The following CES3 variants were observed in gnomAD, a reference collection of about 807,000 sequenced individuals.
CES3 encodes the protein carboxylesterase 3 (brain).
Under a neutral mutation model 57.6 loss-of-function variants are expected in CES3, and 49 were observed. The ratio of observed to expected loss-of-function variants is 0.85; its 90% CI spans 0.68 to 1.08. CES3 has a LOEUF of 1.08. Ranked by LOEUF, CES3 falls within the 50% of genes least tolerant of loss-of-function variation. The probability of loss-of-function intolerance (pLI) is 0.00; values close to 1 mark genes in which losing one functional copy is unlikely to be tolerated. For missense variants in CES3, 645 were observed against 742.0 expected, an observed-to-expected ratio of 0.87 and a Z score of 1.52; for synonymous variants, 266 against 281.6, an observed-to-expected ratio of 0.94 and a Z score of 0.55.
rs144126955 is a variant in CES3 at position 66,972,430 on chromosome 16, G to C, written c.1366G>C (p.Val456Leu). The C allele has an allele frequency of 2.5e-6, 4 of 1,613,982 alleles. No individual in the cohort carries two copies. In the African/African-American group the frequency reaches 4.0e-5, roughly 16 times the overall value. Residue 456 changes from valine (V) to leucine (L), a missense_variant, in exon 11 of 13, where the codon GTG becomes CTG. Physicochemically the swap from Val to Leu is conservative, Grantham distance 32. Coordinates refer to ENST00000303334, the MANE Select transcript of CES3 (RefSeq NM_024922.6). ...SSFAKIKPAWVKADHGAEGAF... is the reference protein window; with the variant it reads ...SSFAKIKPAWLKADHGAEGAF... ...TTTTGCGAAGATCAAACCTGCCTGG[G>C]TGAAGGCTGATCATGGGGCCGAGGG...
chr16:66,968,138 A>C (rs989843499), intron 8 of CES3, among the ~76,000 whole-genome samples: 4 of 152,092 alleles, frequency 2.6e-5, no homozygotes, highest in African/African-American at 9.7e-5. Context: ...GCATTTGGGC[A>C]TCTTCTAGTT....
At chr16:66,966,451 C>G in intron 7 of CES3, 106 bp downstream of exon 7, 1 of 1,156,174 alleles carries the variant, frequency 8.6e-7, no homozygotes, top group Non-Finnish European at 1.2e-6. Context: ...GGGCTGGGGA[C>G]AGCAGCTCAT....
At position 66,971,294 on chromosome 16, in the gene CES3, C is replaced by T. The variant is rs778968327; in HGVS notation, c.1266C>T (p.Thr422=). The T allele has an allele frequency of 1.9e-5, 30 of 1,613,776 alleles. 1 individual carries two copies. The highest frequency in any genetic ancestry group is 8.0e-5 in the African/African-American group (6 of 74,896). The change falls in exon 10 of 13, where the codon ACC becomes ACT. Residue 422 remains threonine (T), a synonymous_variant. Coordinates refer to ENST00000303334, the MANE Select transcript of CES3 (RefSeq NM_024922.6). ...GTGACGTATTCATCAATGTTCCCAC[C>T]GTCAGTTTTTCAAGATACCTTCGAG... ...FMGDVFINVP[T]VSFSRYLRDS...
At position 66,973,899 on chromosome 16, in the gene CES3, CG is replaced by C. The variant is rs1451695930; in HGVS notation, c.*853del. The stretch of plus-strand genomic sequence containing the variant: ...GGATGCCAGCTCCCAGCCCCAGTGC[CG>C]GGTCCTCCCTCCCTTCCTGGCTTGG... On this transcript the variant is annotated 3_prime_UTR_variant, in exon 13 of 13. Coordinates refer to ENST00000303334, the MANE Select transcript of CES3 (RefSeq NM_024922.6). 6.6e-6 allele frequency: 1 copy of C among 152,452 alleles called. No individual in the cohort carries two copies. Among genetic ancestry groups the C allele is most frequent in the Non-Finnish European group, 1.5e-5 (1 of 68,278 alleles). The allele number at this position is 152,452 out of a possible 1,614,324, so 9.4% of individuals were successfully genotyped here. A position where few individuals can be genotyped will look rare whatever the true frequency, so the allele number is the denominator to read the frequency against.
intron 8 of CES3, among the ~76,000 whole-genome samples, 177 bp from the exon 9 acceptor site, chr16:66,969,502 C>A (rs981055837): frequency 2.0e-5 from 3 of 152,224 alleles, no homozygotes; most frequent in Non-Finnish European, 4.4e-5. Context: ...ACACCAACCA[C>A]CTCCCACCAA....
intron 6 of CES3, 71 bp from the exon 7 acceptor site, chr16:66,966,173 T>C: frequency 1.5e-6 from 2 of 1,376,948 alleles, no homozygotes. Context: ...ACCCTCTCTG[T>C]GGGAGGCAGA....
chr16:66,972,772 G>A lies in CES3; in HGVS notation c.1520+26G>A, dbSNP rs375377653. The A allele has an allele frequency of 2.7e-5, 44 of 1,614,106 alleles. No homozygotes were observed. In the South Asian group the frequency reaches 3.4e-4, roughly 12 times the overall value. ...GTGAGTGAGTGACAGGGCATAGCTC[G>A]CTTTGGGCCTGGGATGCTCAGGTCG... On this transcript the variant is annotated intron_variant, in intron 12 of 12. Coordinates refer to ENST00000303334, the MANE Select transcript of CES3 (RefSeq NM_024922.6).
intron 8 of CES3, among the ~76,000 whole-genome samples, 187 bp downstream of exon 8, chr16:66,967,052 T>C (rs1963743476): frequency 6.6e-6 from 1 of 151,102 alleles, no homozygotes; most frequent in Non-Finnish European, 1.5e-5. Context: ...TGTTGTGTTG[T>C]TGTTTTGCTT....
intron 8 of CES3, among the ~76,000 whole-genome samples, chr16:66,968,778 G>A (rs1333945731): frequency 4.6e-5 from 7 of 152,076 alleles, no homozygotes; most frequent in Non-Finnish European, 2.9e-5. Flanking sequence ...GCTGGGCGTG[G>A]TGGTGCATGC....
Position 66,964,028 on chromosome 16 carries a change from G to A in CES3, c.560+93G>A, listed in dbSNP as rs1043124013. On this transcript the variant is annotated intron_variant, in intron 4 of 12. Transcript: ENST00000303334. ...GGATCTAGGTTGGGGTCCGGAACCT[G>A]AAGGGAGGGCCCCTTACCCATGATG... The A allele has an allele frequency of 3.9e-6, 6 of 1,540,230 alleles. No individual in the cohort carries two copies. In the African/African-American group the frequency reaches 6.8e-5, roughly 17 times the overall value.
At chr16:66,961,567 T>C (rs1963652300) in intron 1 of CES3, among the ~76,000 whole-genome samples, 178 bp downstream of exon 1, 1 of 152,134 alleles carries the variant, frequency 6.6e-6, no homozygotes, top group Non-Finnish European at 1.5e-5. Flanking sequence ...TCGTTGTTTT[T>C]GTTGTTGTTG....
At position 66,972,679 on chromosome 16, in the gene CES3, G is replaced by T; in HGVS notation, c.1453G>T (p.Ala485Ser). ...DESSRLAFPE[A>S]TEEEKQLSLT... Reference sequence around the variant, plus strand: ...TCTCACCTTTCCAGCCTTTCCAGAGGCCACAGAGGAGGAGAAGCAGCTAAG... The same window carrying T: ...TCTCACCTTTCCAGCCTTTCCAGAGTCCACAGAGGAGGAGAAGCAGCTAAG... Residue 485 changes from alanine (A) to serine (S), a missense_variant, in exon 12 of 13, where the codon GCC becomes TCC. Physicochemically the swap from Ala to Ser is moderately conservative, Grantham distance 99. Coordinates refer to ENST00000303334, the MANE Select transcript of CES3 (RefSeq NM_024922.6). 6.2e-7 allele frequency: 1 copy of T among 1,614,178 alleles called. No homozygotes were observed.
chr16:66,969,627 CG>C, intron 8 of CES3, 51 bp from the exon 9 acceptor site: 1 of 1,551,778 alleles, frequency 6.4e-7, no homozygotes, highest in Non-Finnish European at 8.8e-7. Context: ...GGCTGGGAGT[CG>C]GGGTGAGCCG....
chr16:66,964,866 C>T, intron 6 of CES3, 139 bp downstream of exon 6: 1 of 635,416 alleles, frequency 1.6e-6, no homozygotes, highest in Non-Finnish European at 2.7e-6. Context: ...GACGAAGGAG[C>T]ATCAGAGGAA....
At chr16:66,964,749 T>G in intron 6 of CES3, 22 bp downstream of exon 6, 24 of 1,597,108 alleles carry the variant, frequency 1.5e-5, no homozygotes, top group East Asian at 2.2e-5. Context: ...CTTCCCTCTC[T>G]TACTCTATGT....
Position 66,963,782 on chromosome 16 carries a change from C to A in CES3, c.427-20C>A. On this transcript the variant is annotated intron_variant, in intron 3 of 12. Coordinates refer to ENST00000303334, the MANE Select transcript of CES3 (RefSeq NM_024922.6). This position sits in a 1 kb window ranked among gnomAD's most constrained non-coding sequence, Gnocchi z 4.9. The stretch of plus-strand genomic sequence containing the variant: ...GGTCTCAGGAGCTTGGGGGTCAGTG[C>A]CCCATGGCCACCTCTGCAGGTCATG... The A allele has an allele frequency of 6.2e-7, 1 of 1,609,780 alleles. No individual in the cohort carries two copies. The highest frequency in any genetic ancestry group is 2.2e-5 in the East Asian group (1 of 44,722).
At chr16:66,965,867 G>A (rs1201705924) in intron 6 of CES3, among the ~76,000 whole-genome samples, 2 of 152,146 alleles carry the variant, frequency 1.3e-5, no homozygotes, top group South Asian at 2.1e-4. Flanking sequence ...GTGAACCCGG[G>A]ACGCAGAGCT....
intron 9 of CES3, among the ~76,000 whole-genome samples, chr16:66,969,973 A>G (rs1963802998): frequency 1.3e-5 from 2 of 152,134 alleles, no homozygotes; most frequent in African/African-American, 4.8e-5. Context: ...CATCATCACC[A>G]TCATCGTCAA....
At chr16:66,962,832 G>A (rs756023560) in intron 1 of CES3, among the ~76,000 whole-genome samples, 1 of 152,242 alleles carries the variant, frequency 6.6e-6, no homozygotes, top group South Asian at 2.1e-4. Context: ...GGGAGTCAGA[G>A]GTTGCAGTGA....
Sources: allele counts gnomAD v4.1 joint callset (sites outside exome capture counted in the v4.1 genomes callset), GRCh38; gene constraint gnomAD v4.1.1; non-coding constraint Gnocchi (gnomAD v3.1); transcripts MANE v1.5; gene names NCBI Gene and HGNC (gene_info 2026-07-23, HGNC 2026-07-21).